Variants in TRPS1 observed in about 807,000 individuals in gnomAD.
TRPS1 encodes the protein zinc finger transcription factor Trps1.
In TRPS1, 6 loss-of-function variants were observed where a neutral mutation model predicts 101.2. The ratio of observed to expected loss-of-function variants is 0.06; its 90% CI spans 0.03 to 0.12. TRPS1 has a LOEUF of 0.12. Ranked by LOEUF, TRPS1 falls within the 10% of genes least tolerant of loss-of-function variation. The pLI is 1.00. For synonymous variants in TRPS1, 578 were observed against 589.8 expected (o/e 0.98, Z 0.29); for missense variants, 1,363 against 1,567.0 (o/e 0.87, Z 2.20).
At chr8:115,428,249 A>G (rs1813236861) in intron 5 of TRPS1, among the ~76,000 whole-genome samples, 1 of 152,216 alleles carries the variant, frequency 6.6e-6, no homozygotes, top group Admixed American at 6.5e-5. Context: ...CAAGAATCAG[A>G]TAATATAAAA....
intron 1 of TRPS1, chr8:115,637,240 G>C (rs1301785425): frequency 1.0e-6 from 1 of 985,180 alleles, no homozygotes; most frequent in Non-Finnish European, 1.2e-6. Flanking sequence ...TCACATGGAA[G>C]ACGTGGTTGC....
Position 115,410,720 on chromosome 8 carries a change from C to T in TRPS1, c.*3303G>A, listed in dbSNP as rs931632299. 6 of 152,368 alleles carry T rather than the reference C, an allele frequency of 3.9e-5. No individual in the cohort carries two copies. The highest frequency in any genetic ancestry group is 9.7e-5 in the African/African-American group (4 of 41,392). The allele number at this position is 152,368 out of a possible 1,614,324, so 9.4% of individuals were successfully genotyped here. A position where few individuals can be genotyped will look rare whatever the true frequency, so the allele number is the denominator to read the frequency against. ...AGAGTGAGAAAAGGAAGAATGAGAA[C>T]GCATGAGCTGGTCCTGGCCTAAAGT... On this transcript the variant is annotated 3_prime_UTR_variant, in exon 7 of 7. Transcript: ENST00000395715.
chr8:115,420,945 TG>T (rs1251137246), intron 5 of TRPS1, among the ~76,000 whole-genome samples: 1 of 152,032 alleles, frequency 6.6e-6, no homozygotes, highest in African/African-American at 2.4e-5. Context: ...AATCTTTCAA[TG>T]CTTAAAGTTC....
rs1817975711 is a variant in TRPS1, at chr8:115,604,187, A to G, written c.1782T>C (p.Ile594=). The change falls in exon 4 of 7, where the codon ATT becomes ATC. Residue 594 remains isoleucine (I), a synonymous_variant. Transcript: ENST00000395715. This position sits in a 1 kb window ranked among gnomAD's most constrained non-coding sequence, Gnocchi z 4.1. ...TTTTTCTACAAGCAAACGGATAAGT[A>G]ATTTCTCCAAGGTGCTTTTCTGGGC... ...LCSPEKHLGE[I]TYPFACRKSN... The G allele has an allele frequency of 3.7e-6, 6 of 1,613,998 alleles. No homozygotes were observed. Among genetic ancestry groups the G allele is most frequent in the Admixed American group, 1.7e-5 (1 of 59,962 alleles).
intron 5 of TRPS1, among the ~76,000 whole-genome samples, chr8:115,462,407 T>A (rs1337127148): frequency 6.6e-6 from 1 of 152,182 alleles, no homozygotes; most frequent in African/African-American, 2.4e-5. Flanking sequence ...CCCTGGGCAA[T>A]CCAGTTAACC....
chr8:115,639,007 T>A (rs1818834544), intron 1 of TRPS1, among the ~76,000 whole-genome samples: 1 of 152,260 alleles, frequency 6.6e-6, no homozygotes, highest in African/African-American at 2.4e-5. Flanking sequence ...GATGCCAGCA[T>A]CCATTGGGAG....
In TRPS1 at chr8:115,410,005, A is replaced by T. The variant is rs1033451100; in HGVS notation, c.*4018T>A. The T allele has an allele frequency of 2.0e-5, 3 of 151,768 alleles. No homozygotes were observed. Among genetic ancestry groups the T allele is most frequent in the African/African-American group, 7.3e-5 (3 of 41,172 alleles). 9.4% of individuals were successfully genotyped at this position (151,768 alleles called of 1,614,324 possible). ...AACTTAAGGCAAAAGGCTGGCATAC[A>T]GCACAGAAGCAGACCACCAGCTTCT... is the stretch of plus-strand genomic sequence containing the variant. On this transcript the variant is annotated 3_prime_UTR_variant, in exon 7 of 7. Transcript: ENST00000395715.
At chr8:115,420,568 G>A (rs1371911121) in intron 5 of TRPS1, among the ~76,000 whole-genome samples, 1 of 152,142 alleles carries the variant, frequency 6.6e-6, no homozygotes, top group Non-Finnish European at 1.5e-5. Flanking sequence ...CTTATGCCCT[G>A]GGTGCTTGAC....
chr8:115,569,178 T>C (rs1158812775), intron 5 of TRPS1, among the ~76,000 whole-genome samples: 1 of 152,118 alleles, frequency 6.6e-6, no homozygotes, highest in African/African-American at 2.4e-5. Flanking sequence ...ATTTTTTTCA[T>C]GAATCCTTCC....
intron 5 of TRPS1, among the ~76,000 whole-genome samples, chr8:115,577,982 C>A (rs1037514512): frequency 1.3e-5 from 2 of 152,056 alleles, no homozygotes; most frequent in Non-Finnish European, 2.9e-5. Context: ...ATTATTCGCC[C>A]GAGAAAGGCA....
intron 5 of TRPS1, among the ~76,000 whole-genome samples, chr8:115,575,849 A>C (rs977323890): frequency 1.3e-5 from 2 of 152,176 alleles, no homozygotes; most frequent in Non-Finnish European, 2.9e-5. Flanking sequence ...TGAATGATTC[A>C]CAGCCAATTT....
At chr8:115,655,848 G>A (rs1017215024) in intron 1 of TRPS1, among the ~76,000 whole-genome samples, 1 of 151,996 alleles carries the variant, frequency 6.6e-6, no homozygotes, top group African/African-American at 2.4e-5. Context: ...AAAATAACAC[G>A]TTAACAAGAT....
At chr8:115,577,795 T>C (rs999821027) in intron 5 of TRPS1, among the ~76,000 whole-genome samples, 1 of 152,162 alleles carries the variant, frequency 6.6e-6, no homozygotes, top group Non-Finnish European at 1.5e-5. Context: ...AATGCCATCT[T>C]TTAAAGAAAA....
At chr8:115,440,150 T>G (rs1813555213) in intron 5 of TRPS1, among the ~76,000 whole-genome samples, 1 of 152,204 alleles carries the variant, frequency 6.6e-6, no homozygotes, top group South Asian at 2.1e-4. Context: ...TAAAATGCAT[T>G]TATTTCCTAG....
chr8:115,619,451 T>C lies in TRPS1; in HGVS notation c.647A>G (p.Asp216Gly), dbSNP rs187328527. 6.2e-7 allele frequency: 1 copy of C among 1,614,126 alleles called. No individual in the cohort carries two copies. The highest frequency in any genetic ancestry group is 2.2e-5 in the East Asian group (1 of 44,866). ...GGVRLNKSKT[D>G]LLVNDNPDPA... ...GTCTGGGTTGTCATTCACCAGTAAG[T>C]CAGTTTTGGATTTATTCAGTCTTAC... Residue 216 changes from aspartate (D) to glycine (G), a missense_variant, in exon 3 of 7, where the codon GAC (aspartate) becomes GGC (glycine). Asp to Gly is a moderately conservative substitution (Grantham distance 94). Coordinates refer to ENST00000395715, the MANE Select transcript of TRPS1 (RefSeq NM_014112.5).
At position 115,619,198 on chromosome 8, in the gene TRPS1, A is replaced by G. The variant is rs1300679289; in HGVS notation, c.900T>C (p.Phe300=). The change falls in exon 3 of 7, where the codon TTT becomes TTC. Residue 300 remains phenylalanine, a synonymous_variant. Transcript: ENST00000395715. ...KDFQKVNRSV[F]SGVLQDINSS... ...AATTGATGTCCTGCAGCACACCAGA[A>G]AACACAGAACGGTTGACCTTCTGGA... is the stretch of plus-strand genomic sequence containing the variant. 10 of 1,614,198 alleles carry G rather than the reference A, an allele frequency of 6.2e-6. No homozygotes were observed. The highest frequency in any genetic ancestry group is 8.5e-6 in the Non-Finnish European group (10 of 1,180,032).
Position 115,619,512 on chromosome 8 carries a change from C to T in TRPS1, c.586G>A (p.Ala196Thr). 7 of 1,614,138 alleles carry T rather than the reference C, an allele frequency of 4.3e-6. No homozygotes were observed. Among genetic ancestry groups the T allele is most frequent in the Non-Finnish European group, 5.9e-6 (7 of 1,180,022 alleles). Reference sequence around the variant, plus strand: ...GAAGGCACTTGTGGGTTTTTTGAGGCCACTGAAACTGGGCTCAAACCTTGA... The same window carrying T: ...GAAGGCACTTGTGGGTTTTTTGAGGTCACTGAAACTGGGCTCAAACCTTGA... ...NCQGLSPVSV[A>T]SKNPQVPSDG... The change falls in exon 3 of 7, where the codon GCC (alanine) becomes ACC (threonine). Residue 196 changes from alanine to threonine, a missense_variant. Ala to Thr is a moderately conservative substitution (Grantham distance 58). This residue lies in a region of TRPS1 where 1,020 missense variants were observed against 1,073.0 expected (regional missense o/e 0.95). Transcript: ENST00000395715.
rs140739620 is a variant in TRPS1, at chr8:115,607,237, G to A, written c.967-2235C>T. On this transcript the variant is annotated intron_variant, in intron 3 of 6. Transcript: ENST00000395715. ...ACTAAGCATCCCAACATACTAAAAA[G>A]GTTGTTGTTATTTAAAAACAACCTA... 1.5e-3 allele frequency among the ~76,000 whole-genome samples: 228 copies of A among 152,146 alleles called. 1 individual carries two copies. Among genetic ancestry groups the A allele is most frequent in the Admixed American group, 5.8e-3 (89 of 15,268 alleles).
intron 2 of TRPS1, among the ~76,000 whole-genome samples, chr8:115,623,098 A>G (rs1818432735): frequency 1.3e-5 from 2 of 152,218 alleles, no homozygotes; most frequent in South Asian, 4.1e-4. Flanking sequence ...TTAAATTATC[A>G]TCTTTCTAAA....
Sources: allele counts gnomAD v4.1 joint callset (sites outside exome capture counted in the v4.1 genomes callset), GRCh38; gene constraint gnomAD v4.1.1; regional missense constraint gnomAD v4.1.1; non-coding constraint Gnocchi (gnomAD v3.1); transcripts MANE v1.5; gene names NCBI Gene and HGNC (gene_info 2026-07-23, HGNC 2026-07-21).